Variants in DACT2 observed in about 807,000 individuals in gnomAD.
DACT2 encodes the protein dapper homolog 2.
In DACT2, 20 loss-of-function variants were observed where a neutral mutation model predicts 22.2. The observed-to-expected ratio is 0.90, with a 90% CI of 0.63 to 1.31. The LOEUF is 1.31. Ranked by LOEUF, DACT2 falls within the 50% of genes most tolerant of loss-of-function variation. The pLI is 0.00. For missense variants in DACT2, 1,048 were observed against 1,061.4 expected (o/e 0.99, Z 0.18); for synonymous variants, 463 against 479.8 (o/e 0.96, Z 0.46).
In DACT2 at chr6:168,311,216, C is replaced by T; in HGVS notation, c.315G>A (p.Lys105=). 1 of 1,550,460 alleles carries T rather than the reference C, an allele frequency of 6.4e-7. No individual in the cohort carries two copies. Among genetic ancestry groups the T allele is most frequent in the South Asian group, 1.2e-5 (1 of 84,032 alleles). The change falls in exon 2 of 4, where the codon AAG becomes AAA. Residue 105 remains lysine, a synonymous_variant. Transcript: ENST00000366795. The part of the protein sequence containing the change: ...HLDQLDLQIS[K]LQLDVGTASG... The stretch of plus-strand genomic sequence containing the variant: ...AGGCTGTGCCCACATCCAGCTGCAG[C>T]TTGCTAATCTGCAGGTCCAGCTGGT...
At chr6:168,311,324 T>C (rs567630039) in intron 1 of DACT2, 40 bp from the exon 2 acceptor site, 31 of 1,510,738 alleles carry the variant, frequency 2.1e-5, no homozygotes, top group Non-Finnish European at 2.1e-5. Context: ...GTTGTACCTA[T>C]GGAAAGCAAA....
At chr6:168,302,686 G>A (rs1340966334), downstream of DACT2, among the ~76,000 whole-genome samples, 2 of 152,200 alleles carry the variant, frequency 1.3e-5, no homozygotes, top group African/African-American at 4.8e-5. Context: ...CAGGAGAGGA[G>A]GGGAGGAGCC....
At chr6:168,295,795 C>G (rs988517618) in intron 3 of DACT2, among the ~76,000 whole-genome samples, 1 of 152,198 alleles carries the variant, frequency 6.6e-6, no homozygotes, top group Admixed American at 6.5e-5. Flanking sequence ...AGAAAAGCTG[C>G]GATATTTGGC....
chr6:168,298,239 G>A (rs1779041557), intron 3 of DACT2: 1 of 152,208 alleles, frequency 6.6e-6, no homozygotes, highest in Non-Finnish European at 1.5e-5. Flanking sequence ...GATGGAGGGA[G>A]AGGCTTTAGA....
chr6:168,311,632 CCACA>C (rs145723575), intron 1 of DACT2, among the ~76,000 whole-genome samples: 13 of 96,202 alleles, frequency 1.4e-4, no homozygotes, highest in African/African-American at 3.2e-4. Flanking sequence ...ACACACCCAT[CCACA>C]CACACACACT....
chr6:168,315,553 G>A (rs2114919117), intron 1 of DACT2, among the ~76,000 whole-genome samples: 1 of 152,242 alleles, frequency 6.6e-6, no homozygotes, highest in Non-Finnish European at 1.5e-5. Flanking sequence ...TTTTGTTGCA[G>A]CAATACAAGT....
intron 1 of DACT2, among the ~76,000 whole-genome samples, chr6:168,311,556 ACACT>A (rs112291946): frequency 0.2 from 27,079 of 133,206 alleles, 3,070 homozygotes; most frequent in South Asian, 0.26. Context: ...ACACATACAC[ACACT>A]CACACACAAA....
At chr6:168,309,323 C>A (rs115256350) in intron 3 of DACT2, among the ~76,000 whole-genome samples, 4,567 of 107,650 alleles carry the variant, frequency 0.042, 237 homozygotes, top group African/African-American at 0.15. Context: ...GCGGGGCAGA[C>A]GGGAATGCGT....
intron 1 of DACT2, among the ~76,000 whole-genome samples, chr6:168,312,095 T>C (rs1219113999): frequency 6.6e-6 from 1 of 152,222 alleles, no homozygotes; most frequent in East Asian, 1.9e-4. Flanking sequence ...TTTGAACTGT[T>C]ACAGGCTTCG....
In DACT2 at chr6:168,310,296, C is replaced by CG; in HGVS notation, c.529dup (p.Arg177ProfsTer4). ...TGGCACAGTAGTCTCATCAACCGAC[C>CG]GGGGCCTCCAGTCCCCCATGCTGGG... is the stretch of plus-strand genomic sequence containing the variant. On this transcript the variant is annotated frameshift_variant, in exon 3 of 4. Coordinates refer to ENST00000366795, the MANE Select transcript of DACT2 (RefSeq NM_214462.5). LOFTEE classifies it high-confidence loss of function. 7 of 1,551,610 alleles carry CG rather than the reference C, an allele frequency of 4.5e-6. No individual in the cohort carries two copies. Among genetic ancestry groups the CG allele is most frequent in the African/African-American group, 1.4e-5 (1 of 73,196 alleles).
chr6:168,308,046 C>G lies in DACT2; in HGVS notation c.1711G>C (p.Val571Leu). Residue 571 changes from valine (V) to leucine (L), a missense_variant, in exon 4 of 4, where the codon GTC (valine) becomes CTC (leucine). Physicochemically the swap from Val to Leu is conservative, Grantham distance 32 (BLOSUM62 1). Transcript: ENST00000366795. ...GGGGCCACTGCCAAGGGGACGAGGA[C>G]AGGCATGGGGTAGAGGGTGGACTCA... is the stretch of plus-strand genomic sequence containing the variant. ...CSESTLYPMP[V>L]LVPLAVAPQE... 2 of 1,548,822 alleles carry G rather than the reference C, an allele frequency of 1.3e-6. No individual in the cohort carries two copies. Among genetic ancestry groups the G allele is most frequent in the Non-Finnish European group, 1.7e-6 (2 of 1,145,420 alleles).
intron 1 of DACT2, among the ~76,000 whole-genome samples, chr6:168,318,562 C>T (rs1396852919): frequency 6.6e-6 from 1 of 152,200 alleles, no homozygotes; most frequent in Non-Finnish European, 1.5e-5. Flanking sequence ...ATATCTTTCT[C>T]CAGCCTTTTT....
In DACT2 at chr6:168,319,449, T is replaced by C. The variant is rs1265132502; in HGVS notation, c.185A>G (p.His62Arg). Reference protein sequence around the residue: ...PPAPAAPCGPHGLHGPEQQLE... With the variant: ...PPAPAAPCGPRGLHGPEQQLE... The stretch of plus-strand genomic sequence containing the variant: ...CTGCTGCTCGGGGCCGTGGAGGCCG[T>C]GGGGGCCGCAGGGCGCGGCGGGCGC... The change falls in exon 1 of 4, where the codon CAC becomes CGC. Residue 62 changes from histidine to arginine, a missense_variant. His to Arg is a conservative substitution (Grantham distance 29). Transcript: ENST00000366795. 3 of 1,204,740 alleles carry C rather than the reference T, an allele frequency of 2.5e-6. No individual in the cohort carries two copies. The highest frequency in any genetic ancestry group is 3.1e-6 in the Non-Finnish European group (3 of 971,642). 74.6% of individuals were successfully genotyped at this position (1,204,740 alleles called of 1,614,324 possible).
Position 168,307,963 on chromosome 6 carries a change from G to A in DACT2, c.1794C>T (p.Leu598=), listed in dbSNP as rs1229943904. 1.3e-6 allele frequency: 2 copies of A among 1,550,832 alleles called. No homozygotes were observed. Among genetic ancestry groups the A allele is most frequent in the Admixed American group, 2.0e-5 (1 of 51,010 alleles). ...QALFPFEASL[L]TSVARRKHRR... ...GATGCTTCCTCCTGGCCACTGAGGTGAGCAGTGACGCCTCAAAGGGGAACA... is the reference window on the plus strand; with the variant it reads ...GATGCTTCCTCCTGGCCACTGAGGTAAGCAGTGACGCCTCAAAGGGGAACA... Residue 598 remains leucine, a synonymous_variant, in exon 4 of 4, where the codon CTC becomes CTT. Coordinates refer to ENST00000366795, the MANE Select transcript of DACT2 (RefSeq NM_214462.5). The surrounding 1 kb of genome is among the most constrained non-coding windows in gnomAD (Gnocchi z 5.3).
At chr6:168,294,581 A>T in intron 4 of DACT2, 1 of 114,380 alleles carries the variant, frequency 8.7e-6, no homozygotes, top group Non-Finnish European at 1.7e-5. Context: ...GTGTGTGTAT[A>T]TATATATATA....
chr6:168,315,491 T>C (rs73789366), intron 1 of DACT2, among the ~76,000 whole-genome samples: 8,259 of 152,248 alleles, frequency 0.054, 710 homozygotes, highest in African/African-American at 0.19. Context: ...GGGGATCTCA[T>C]CAGCTTAGAA....
intron 1 of DACT2, among the ~76,000 whole-genome samples, chr6:168,311,584 C>CCA (rs1206506328): frequency 5.8e-5 from 5 of 86,092 alleles, no homozygotes; most frequent in African/African-American, 1.0e-4. Context: ...ACACACCCAT[C>CCA]CACACACACA....
In DACT2 at chr6:168,307,768, G is replaced by A; in HGVS notation, c.1989C>T (p.Pro663=). ...GGTCACACTCGGCCGAGTGCTTGGAGGGCTCTGAGTCGCTCCTGGTGTAGG... is the reference window on the plus strand; with the variant it reads ...GGTCACACTCGGCCGAGTGCTTGGAAGGCTCTGAGTCGCTCCTGGTGTAGG... The part of the protein sequence containing the change: ...QDAYTRSDSE[P]SKHSAECDPR... Residue 663 remains proline (P), a synonymous_variant, in exon 4 of 4, where the codon CCC becomes CCT. Transcript: ENST00000366795. The surrounding 1 kb of genome is among the most constrained non-coding windows in gnomAD (Gnocchi z 5.3). 6.5e-7 allele frequency: 1 copy of A among 1,546,710 alleles called. No homozygotes were observed. Among genetic ancestry groups the A allele is most frequent in the Non-Finnish European group, 8.7e-7 (1 of 1,146,834 alleles).
intron 3 of DACT2, among the ~76,000 whole-genome samples, chr6:168,297,492 C>A (rs1177805816): frequency 6.6e-6 from 1 of 152,196 alleles, no homozygotes; most frequent in Non-Finnish European, 1.5e-5. Flanking sequence ...CCACTGGCTT[C>A]TAGAAGCTGC....
Sources: gnomAD v4.1 joint callset for allele counts (sites outside exome capture counted in the v4.1 genomes callset) on GRCh38, gnomAD v4.1.1 for gene constraint, Gnocchi (gnomAD v3.1) non-coding constraint, MANE v1.5 for transcripts, NCBI Gene and HGNC (gene_info 2026-07-23, HGNC 2026-07-21) for gene names.